The following DOK5 variants were observed in gnomAD, a reference collection of about 807,000 sequenced individuals.
The protein encoded by DOK5 is docking protein 5, also known as downstream of tyrosine kinase 5.
Under a neutral mutation model 43.3 loss-of-function variants are expected in DOK5, and 27 were observed. That is an observed-to-expected ratio of 0.62 (90% CI 0.46 to 0.86). DOK5 has a LOEUF of 0.86. Ranked by LOEUF, DOK5 falls within the 40% of genes least tolerant of loss-of-function variation. The pLI is 0.00. For synonymous variants in DOK5, 146 were observed against 140.1 expected (o/e 1.04, Z -0.30); for missense variants, 373 against 392.9 (o/e 0.95, Z 0.43).
At chr20:54,510,796 C>T (rs1440092798) in intron 1 of DOK5, among the ~76,000 whole-genome samples, 1 of 152,150 alleles carries the variant, frequency 6.6e-6, no homozygotes, top group African/African-American at 2.4e-5. Context: ...ATTGGGAGCA[C>T]ACCCCATCTA....
At chr20:54,602,736 G>A (rs992925497) in intron 5 of DOK5, among the ~76,000 whole-genome samples, 4 of 152,068 alleles carry the variant, frequency 2.6e-5, no homozygotes, top group Admixed American at 6.5e-5. Context: ...GTGCAGTGGC[G>A]TGATCTCGGC....
intron 6 of DOK5, among the ~76,000 whole-genome samples, chr20:54,622,191 CA>C (rs555110876): frequency 4.2e-5 from 6 of 142,038 alleles, no homozygotes; most frequent in South Asian, 2.2e-4. Context: ...CACTCCATCT[CA>C]AAAAAAAAGA....
At chr20:54,626,192 C>T (rs577810056) in intron 6 of DOK5, among the ~76,000 whole-genome samples, 2 of 152,258 alleles carry the variant, frequency 1.3e-5, no homozygotes, top group South Asian at 4.1e-4. Flanking sequence ...AGAGTACATA[C>T]ATGGATGGGA....
At chr20:54,500,017 C>T (rs1982538543) in intron 1 of DOK5, among the ~76,000 whole-genome samples, 1 of 152,164 alleles carries the variant, frequency 6.6e-6, no homozygotes, top group African/African-American at 2.4e-5. Flanking sequence ...CCCAGGTTAC[C>T]ACTTGAAGAT....
chr20:54,637,014 C>T (rs1327700490), intron 6 of DOK5, among the ~76,000 whole-genome samples: 1 of 152,188 alleles, frequency 6.6e-6, no homozygotes, highest in Non-Finnish European at 1.5e-5. Context: ...CATATCAGAA[C>T]TTCATTCTTC....
chr20:54,557,454 G>A (rs531161195), intron 2 of DOK5, among the ~76,000 whole-genome samples: 5 of 152,294 alleles, frequency 3.3e-5, no homozygotes, highest in Admixed American at 2.0e-4. Context: ...CACCTTCTGC[G>A]GTGTAGCCGG....
At chr20:54,486,973 A>G (rs7273866) in intron 1 of DOK5, among the ~76,000 whole-genome samples, 2,291 of 152,266 alleles carry the variant, frequency 0.015, 49 homozygotes, top group African/African-American at 0.052. Flanking sequence ...GTTGCATTCT[A>G]TCTTCCTCTT....
chr20:54,515,607 T>C (rs988218090), intron 1 of DOK5, among the ~76,000 whole-genome samples: 6 of 152,246 alleles, frequency 3.9e-5, no homozygotes, highest in Admixed American at 2.6e-4. Context: ...CTTTGAGATC[T>C]TAAAACAGGG....
intron 1 of DOK5, among the ~76,000 whole-genome samples, chr20:54,550,428 A>C (rs1436017133): frequency 6.6e-6 from 1 of 152,192 alleles, no homozygotes; most frequent in Non-Finnish European, 1.5e-5. Flanking sequence ...TATCGTAACA[A>C]AGATATTGAC....
intron 2 of DOK5, among the ~76,000 whole-genome samples, chr20:54,572,849 G>A (rs1985334910): frequency 6.6e-6 from 1 of 152,168 alleles, no homozygotes; most frequent in African/African-American, 2.4e-5. Context: ...CCATGGATGT[G>A]TTAATGACAT....
chr20:54,496,715 G>A (rs1350264056), intron 1 of DOK5, among the ~76,000 whole-genome samples: 7 of 140,860 alleles, frequency 5.0e-5, no homozygotes, highest in African/African-American at 1.9e-4. Flanking sequence ...GCAGTGAGCC[G>A]AGATCGCACC....
At chr20:54,518,118 A>G (rs1402440253) in intron 1 of DOK5, among the ~76,000 whole-genome samples, 1 of 151,368 alleles carries the variant, frequency 6.6e-6, no homozygotes, top group Non-Finnish European at 1.5e-5. Context: ...CATAATCCCT[A>G]TTTTCTTTTT....
intron 2 of DOK5, among the ~76,000 whole-genome samples, chr20:54,584,582 A>G (rs925850041): frequency 4.0e-5 from 6 of 151,072 alleles, no homozygotes; most frequent in African/African-American, 1.2e-4. Context: ...TGTTTATACA[A>G]TATTCGTAAC....
chr20:54,603,004 A>G (rs369113497), intron 5 of DOK5, among the ~76,000 whole-genome samples: 31 of 152,294 alleles, frequency 2.0e-4, no homozygotes, highest in African/African-American at 6.7e-4. Flanking sequence ...CTTTCAATTT[A>G]TAACAGGGGA....
intron 7 of DOK5, among the ~76,000 whole-genome samples, chr20:54,643,973 A>G (rs1026758671): frequency 2.6e-5 from 4 of 152,170 alleles, no homozygotes; most frequent in African/African-American, 9.7e-5. Context: ...CAGCATCAGC[A>G]TTACTTGAAG....
At chr20:54,478,782 A>G (rs1981543407) in intron 1 of DOK5, among the ~76,000 whole-genome samples, 1 of 152,188 alleles carries the variant, frequency 6.6e-6, no homozygotes, top group Non-Finnish European at 1.5e-5. Context: ...ATTAAAGAAG[A>G]TATTTGTGAA....
intron 5 of DOK5, among the ~76,000 whole-genome samples, chr20:54,605,134 CACAG>C (rs1323180691): frequency 2.0e-5 from 3 of 150,176 alleles, no homozygotes; most frequent in Admixed American, 6.6e-5. Context: ...CACAAACACA[CACAG>C]AGAGAGAGAG....
chr20:54,648,304 G>A (rs944482764), intron 7 of DOK5, among the ~76,000 whole-genome samples: 7 of 152,066 alleles, frequency 4.6e-5, no homozygotes, highest in African/African-American at 7.2e-5. Flanking sequence ...CTTCCCTCTC[G>A]GAGCTTATAA....
intron 1 of DOK5, among the ~76,000 whole-genome samples, chr20:54,529,731 C>T (rs567088805): frequency 6.6e-6 from 1 of 152,250 alleles, no homozygotes; most frequent in South Asian, 2.1e-4. Context: ...TCTCATTTTC[C>T]CTTCCATCAA....
Sources: gnomAD v4.1 joint callset for allele counts (sites outside exome capture counted in the v4.1 genomes callset) on GRCh38, gnomAD v4.1.1 for gene constraint, MANE v1.5 for transcripts, NCBI Gene and HGNC (gene_info 2026-07-23, HGNC 2026-07-21) for gene names.